The following GIT2 variants were observed in gnomAD, a reference collection of about 807,000 sequenced individuals.
GIT2 encodes the protein GIT ArfGAP 2, also known as ARF GTPase-activating protein GIT2.
A neutral mutation model predicts 100.3 loss-of-function variants in GIT2; 32 were observed. The ratio of observed to expected loss-of-function variants is 0.32; its 90% confidence interval spans 0.24 to 0.43. The LOEUF (loss-of-function observed/expected upper bound fraction) is 0.43, where lower values mean the gene tolerates loss of function less well. Among genes scored for constraint, GIT2 ranks in the 20% least tolerant of loss-of-function variants. The pLI is 1.00. For synonymous variants in GIT2, 353 were observed against 364.1 expected (o/e 0.97, Z 0.35); for missense variants, 737 against 975.1 (o/e 0.76, Z 3.25).
chr12:109,935,788 T>G (rs1872799263), intron 18 of GIT2, among the ~76,000 whole-genome samples: 1 of 152,222 alleles, frequency 6.6e-6, no homozygotes, highest in Non-Finnish European at 1.5e-5. Context: ...GAATCTTTCC[T>G]AAGGCCATCT....
chr12:109,955,540 G>A (rs1425615805), intron 12 of GIT2, among the ~76,000 whole-genome samples: 1 of 152,156 alleles, frequency 6.6e-6, no homozygotes, highest in African/African-American at 2.4e-5. Flanking sequence ...TCTGTTTAAA[G>A]ATACCTTATT....
chr12:109,969,981 C>T (rs1883452954), intron 7 of GIT2, among the ~76,000 whole-genome samples: 1 of 151,732 alleles, frequency 6.6e-6, no homozygotes, highest in Admixed American at 6.6e-5. Flanking sequence ...GCCTCAAACT[C>T]CTGACCTCAG....
At chr12:109,990,946 G>A (rs936884570) in intron 2 of GIT2, among the ~76,000 whole-genome samples, 8 of 152,178 alleles carry the variant, frequency 5.3e-5, no homozygotes, top group Non-Finnish European at 7.3e-5. Context: ...CAGGTACTCA[G>A]GAATAAGTAC....
At chr12:109,935,856 G>A (rs1245746496) in intron 18 of GIT2, among the ~76,000 whole-genome samples, 4 of 152,144 alleles carry the variant, frequency 2.6e-5, no homozygotes, top group South Asian at 2.1e-4. Context: ...ATAGAAAAGC[G>A]AGCACACCCG....
chr12:109,973,763 T>TA (rs1349952683), intron 7 of GIT2, among the ~76,000 whole-genome samples: 1 of 151,496 alleles, frequency 6.6e-6, no homozygotes, highest in African/African-American at 2.4e-5. Context: ...AATTTGAGGC[T>TA]AGGCGCGGTG....
At chr12:109,941,048 G>A (rs1874529175) in intron 16 of GIT2, among the ~76,000 whole-genome samples, 1 of 152,076 alleles carries the variant, frequency 6.6e-6, no homozygotes. Flanking sequence ...CACTTTGTTT[G>A]CTATCCCCAT....
chr12:109,952,672 C>T, intron 13 of GIT2: 2 of 510,848 alleles, frequency 3.9e-6, no homozygotes, highest in Admixed American at 2.0e-5. Flanking sequence ...TATGACACAG[C>T]CCCACCTGAT....
At chr12:109,975,175 C>T (rs1234598620) in intron 7 of GIT2, among the ~76,000 whole-genome samples, 1 of 151,912 alleles carries the variant, frequency 6.6e-6, no homozygotes, top group African/African-American at 2.4e-5. Flanking sequence ...AAATGGGTTT[C>T]TTGTAGACAG....
chr12:109,968,293 C>G (rs1474410892), intron 7 of GIT2, among the ~76,000 whole-genome samples: 1 of 151,250 alleles, frequency 6.6e-6, no homozygotes, highest in Non-Finnish European at 1.5e-5. Flanking sequence ...GCTGTGGCAT[C>G]TCATTGTGCT....
Position 109,983,665 on chromosome 12 carries a change from AT to A in GIT2, c.434del (p.Asn145IlefsTer6). 1 of 1,613,150 alleles carries A rather than the reference AT, an allele frequency of 6.2e-7. No homozygotes were observed. Among genetic ancestry groups the A allele is most frequent in the South Asian group, 1.1e-5 (1 of 91,058 alleles). The part of the protein sequence containing the change: ...KQLHSSVRTG[N>X]LETCLRLLSL... ...ATAACAGTCTCAAACAGGTTTCAAG[AT>A]TCCCTGTTCTCACGCTCGAATGGAG... On this transcript the variant is annotated frameshift_variant, in exon 5 of 20. Coordinates refer to ENST00000355312, the MANE Select transcript of GIT2 (RefSeq NM_057169.5). LOFTEE classifies it high-confidence loss of function.
chr12:109,958,866 C>G (rs954838128), intron 12 of GIT2, among the ~76,000 whole-genome samples: 1 of 152,164 alleles, frequency 6.6e-6, no homozygotes, highest in Non-Finnish European at 1.5e-5. Flanking sequence ...AGCATGCAGA[C>G]AGGACCTGGG....
intron 15 of GIT2, among the ~76,000 whole-genome samples, chr12:109,946,702 G>A (rs1282880995): frequency 6.6e-6 from 1 of 152,116 alleles, no homozygotes; most frequent in Non-Finnish European, 1.5e-5. Flanking sequence ...ATGCAGAAGC[G>A]AACCTAGCAG....
intron 7 of GIT2, among the ~76,000 whole-genome samples, chr12:109,968,199 T>G (rs1180317083): frequency 6.6e-6 from 1 of 152,240 alleles, no homozygotes; most frequent in Non-Finnish European, 1.5e-5. Flanking sequence ...AACAGCAATG[T>G]GAGAGTTACA....
chr12:109,961,144 TTG>T (rs1045057583), intron 11 of GIT2, 132 bp downstream of exon 11: 19 of 532,702 alleles, frequency 3.6e-5, no homozygotes, highest in Admixed American at 3.2e-4. Flanking sequence ...AATTTGGGGG[TTG>T]TGTGTGTATA....
chr12:109,999,817 G>A (rs1382956647), upstream of GIT2: 2 of 1,493,566 alleles, frequency 1.3e-6, no homozygotes, highest in Admixed American at 2.2e-5. This position sits in a 1 kb window ranked among gnomAD's most constrained non-coding sequence, Gnocchi z 4.3. Flanking sequence ...GTCTCCCGGT[G>A]GGGACTTCGG....
chr12:109,964,725 A>C (rs1881908360), intron 9 of GIT2, among the ~76,000 whole-genome samples: 1 of 151,704 alleles, frequency 6.6e-6, no homozygotes, highest in Admixed American at 6.6e-5. Context: ...GAGCTGAATG[A>C]TGCCCTTACA....
At chr12:109,950,855 C>A in intron 14 of GIT2, 1 of 250,272 alleles carries the variant, frequency 4.0e-6, no homozygotes, top group Non-Finnish European at 7.8e-6. Flanking sequence ...CCTTCCCTAG[C>A]AATGGGAAGA....
Position 109,991,688 on chromosome 12 carries a change from C to A in GIT2, c.125G>T (p.Gly42Val). 1 of 1,612,950 alleles carries A rather than the reference C, an allele frequency of 6.2e-7. No individual in the cohort carries two copies. Among genetic ancestry groups the A allele is most frequent in the Non-Finnish European group, 8.5e-7 (1 of 1,178,988 alleles). Residue 42 changes from glycine (G) to valine (V), a missense_variant, in exon 2 of 20, where the codon GGG becomes GTG. Gly to Val is a moderately radical substitution (Grantham distance 109). Around this residue, in one of 3 missense-constraint regions of GIT2, gnomAD observed 266 missense variants for 376.2 expected, o/e 0.71. Coordinates refer to ENST00000355312, the MANE Select transcript of GIT2 (RefSeq NM_057169.5). ...DECCSVHRSL[G>V]RHISQVRHLK... ...ATGCCTCACTTGGGAGATATGGCGCCCTAGACTCCGATGGACACTGCAGCA... is the reference window on the plus strand; with the variant it reads ...ATGCCTCACTTGGGAGATATGGCGCACTAGACTCCGATGGACACTGCAGCA...
At chr12:109,975,608 A>T (rs1292742605) in intron 7 of GIT2, among the ~76,000 whole-genome samples, 1 of 151,946 alleles carries the variant, frequency 6.6e-6, no homozygotes, top group Non-Finnish European at 1.5e-5. Flanking sequence ...GTACGGACTT[A>T]AGTCTATAAT....
Sources: allele counts gnomAD v4.1 joint callset (sites outside exome capture counted in the v4.1 genomes callset), GRCh38; gene constraint gnomAD v4.1.1; regional missense constraint gnomAD v4.1.1; non-coding constraint Gnocchi (gnomAD v3.1); transcripts MANE v1.5; gene names NCBI Gene and HGNC (gene_info 2026-07-23, HGNC 2026-07-21).